CIB4: variants seen among roughly 807,000 people sequenced by gnomAD.
CIB4 encodes calcium and integrin binding family member 4.
CIB4 carries 25 observed loss-of-function variants against 25.8 expected under a neutral mutation model. That is an observed-to-expected ratio of 0.97 (90% CI 0.71 to 1.35). The LOEUF is 1.35. Ranked by LOEUF, CIB4 falls within the 40% of genes most tolerant of loss-of-function variation. The probability of loss-of-function intolerance (pLI) is 0.00; values close to 1 mark genes in which losing one functional copy is unlikely to be tolerated. For synonymous variants in CIB4, 75 were observed against 81.4 expected (o/e 0.92, Z 0.42); for missense variants, 235 against 228.2 (o/e 1.03, Z -0.19).
At chr2:26,624,552 C>T (rs1669263419) in intron 3 of CIB4, among the ~76,000 whole-genome samples, 1 of 152,068 alleles carries the variant, frequency 6.6e-6, no homozygotes, top group African/African-American at 2.4e-5. Flanking sequence ...CTCGAGGCTT[C>T]TTACATTTTT....
intron 3 of CIB4, among the ~76,000 whole-genome samples, chr2:26,604,297 T>C (rs184558552): frequency 4.2e-4 from 64 of 152,032 alleles, no homozygotes; most frequent in Non-Finnish European, 9.0e-4. Context: ...AGAAGATTGC[T>C]TGAGCTCAGG....
intron 3 of CIB4, among the ~76,000 whole-genome samples, chr2:26,616,532 A>T (rs1669095948): frequency 6.6e-6 from 1 of 152,162 alleles, no homozygotes; most frequent in African/African-American, 2.4e-5. Flanking sequence ...TGGGAATCAG[A>T]CAATTCCCAG....
intron 3 of CIB4, among the ~76,000 whole-genome samples, chr2:26,599,279 G>A (rs1449313012): frequency 1.3e-5 from 2 of 152,098 alleles, no homozygotes; most frequent in Non-Finnish European, 2.9e-5. Context: ...TATACGTGAT[G>A]AAACTAAAGT....
At chr2:26,608,563 C>T (rs12997069) in intron 3 of CIB4, among the ~76,000 whole-genome samples, 41,166 of 152,072 alleles carry the variant, frequency 0.27, 7,613 homozygotes, top group East Asian at 0.92. Flanking sequence ...CCCAGGGCCA[C>T]TAAATGGCAG....
At position 26,581,259 on chromosome 2, in the gene CIB4, G is replaced by A. The variant is rs1668330214; in HGVS notation, c.*104C>T. The A allele has an allele frequency of 9.0e-6, 8 of 892,118 alleles. No individual in the cohort carries two copies. Among genetic ancestry groups the A allele is most frequent in the Non-Finnish European group, 9.4e-6 (5 of 529,610 alleles). 55.3% of individuals were successfully genotyped at this position (892,118 alleles called of 1,614,324 possible). ...AACAATATTCTAGAGGTGAGTGTGGGCCCAGTACAAAGTCATACTTCAAAC... is the reference window on the plus strand; with the variant it reads ...AACAATATTCTAGAGGTGAGTGTGGACCCAGTACAAAGTCATACTTCAAAC... On this transcript the variant is annotated 3_prime_UTR_variant, in exon 7 of 7. Coordinates refer to ENST00000288861, the MANE Select transcript of CIB4 (RefSeq NM_001029881.3).
intron 2 of CIB4, among the ~76,000 whole-genome samples, chr2:26,632,999 G>A (rs888592908): frequency 6.6e-6 from 1 of 152,142 alleles, no homozygotes; most frequent in Non-Finnish European, 1.5e-5. Flanking sequence ...ACCACCGGGA[G>A]TGCCTGCTCT....
intron 3 of CIB4, chr2:26,623,605 T>C (rs1358146443): frequency 4.2e-6 from 2 of 470,774 alleles, no homozygotes; most frequent in Admixed American, 2.3e-5. Context: ...ATCCTGACCA[T>C]ACCTCCCTAC....
intron 2 of CIB4, among the ~76,000 whole-genome samples, chr2:26,635,007 T>G (rs963302209): frequency 5.9e-5 from 9 of 152,250 alleles, no homozygotes; most frequent in African/African-American, 2.2e-4. Flanking sequence ...ATGGGCCCTC[T>G]TTGGGTCTGC....
chr2:26,619,812 G>C (rs1289524934), intron 3 of CIB4, among the ~76,000 whole-genome samples: 3 of 150,936 alleles, frequency 2.0e-5, no homozygotes, highest in Non-Finnish European at 4.4e-5. Flanking sequence ...CAGCGGGGAA[G>C]GCAACACAAT....
intron 4 of CIB4, among the ~76,000 whole-genome samples, chr2:26,588,988 T>TTCTTCTTCTTCTTCC (rs1668510806): frequency 1.5e-4 from 6 of 40,062 alleles, no homozygotes; most frequent in African/African-American, 6.2e-4. Flanking sequence ...TTTCTTCTTC[T>TTCTTCTTCTTCTTCC]TCTTCTTCTT....
intron 3 of CIB4, among the ~76,000 whole-genome samples, chr2:26,617,990 A>G (rs1669127825): frequency 6.6e-6 from 1 of 152,156 alleles, no homozygotes; most frequent in East Asian, 1.9e-4. Context: ...CCCTGTTACC[A>G]AGTGTAGGTT....
intron 3 of CIB4, among the ~76,000 whole-genome samples, chr2:26,599,870 C>G (rs1668748786): frequency 6.6e-6 from 1 of 151,588 alleles, no homozygotes; most frequent in South Asian, 2.1e-4. Context: ...GTCAGGAGAT[C>G]AAGACCATTC....
intron 3 of CIB4, among the ~76,000 whole-genome samples, chr2:26,620,272 ACT>A (rs760703058): frequency 2.0e-5 from 3 of 152,206 alleles, no homozygotes; most frequent in Non-Finnish European, 4.4e-5. Flanking sequence ...TCCCCTACAG[ACT>A]CTGCGACTGG....
chr2:26,604,208 T>C (rs1449436075), intron 3 of CIB4, among the ~76,000 whole-genome samples: 1 of 151,884 alleles, frequency 6.6e-6, no homozygotes, highest in African/African-American at 2.4e-5. Context: ...AGCAAGACCC[T>C]GTCTCTACTA....
chr2:26,582,041 G>A (rs971711143), intron 6 of CIB4, among the ~76,000 whole-genome samples: 4 of 152,232 alleles, frequency 2.6e-5, no homozygotes, highest in East Asian at 1.9e-4. Flanking sequence ...GTGGAGGGGC[G>A]ATGGGAGGCA....
In CIB4 at chr2:26,626,280, A is replaced by G. The variant is rs76302506; in HGVS notation, c.186+3130T>C. The stretch of plus-strand genomic sequence containing the variant: ...TCTTTCATGCCTGGCCTGGTGCCCT[A>G]TCCCTAGTTCTCTAGGTGGGGCAAT... On this transcript the variant is annotated intron_variant, in intron 3 of 6. Coordinates refer to ENST00000288861, the MANE Select transcript of CIB4 (RefSeq NM_001029881.3). Among the ~76,000 whole-genome samples the G allele has an allele frequency of 9.4e-4, 143 of 151,920 alleles. 1 individual carries two copies. Among genetic ancestry groups the G allele is most frequent in the African/African-American group, 3.3e-3 (138 of 41,412 alleles).
chr2:26,632,926 G>GT (rs1249392607), intron 2 of CIB4, among the ~76,000 whole-genome samples: 33 of 151,552 alleles, frequency 2.2e-4, no homozygotes, highest in Admixed American at 1.1e-3. Context: ...TAATGTTTTG[G>GT]TTTTTTTTTA....
intron 3 of CIB4, among the ~76,000 whole-genome samples, chr2:26,629,083 C>T (rs1391241678): frequency 1.3e-5 from 2 of 152,156 alleles, no homozygotes; most frequent in East Asian, 3.9e-4. Flanking sequence ...GTGAGCACCT[C>T]CAGATGGGGC....
At position 26,629,448 on chromosome 2, in the gene CIB4, G is replaced by A. The variant is rs1470158228; in HGVS notation, c.148C>T (p.Leu50Phe). The change falls in exon 3 of 7, where the codon CTC (leucine) becomes TTC (phenylalanine). Residue 50 changes from leucine to phenylalanine, a missense_variant. Leu to Phe is a conservative substitution (Grantham distance 22, BLOSUM62 0). Coordinates refer to ENST00000288861, the MANE Select transcript of CIB4 (RefSeq NM_001029881.3). ...AGGGAGCTGACCTGGTCCATGGTGAGCGTTGCCTCCTTGTAGTACTTCCCA... is the reference window on the plus strand; with the variant it reads ...AGGGAGCTGACCTGGTCCATGGTGAACGTTGCCTCCTTGTAGTACTTCCCA... ...PPGKYYKEATLTMDQVSSLPA... is the reference protein window; with the variant it reads ...PPGKYYKEATFTMDQVSSLPA... 6.3e-7 allele frequency: 1 copy of A among 1,582,894 alleles called. No individual in the cohort carries two copies. Among genetic ancestry groups the A allele is most frequent in the Non-Finnish European group, 8.6e-7 (1 of 1,164,216 alleles).
Sources: allele counts gnomAD v4.1 joint callset (sites outside exome capture counted in the v4.1 genomes callset), GRCh38; gene constraint gnomAD v4.1.1; transcripts MANE v1.5; gene names NCBI Gene and HGNC (gene_info 2026-07-23, HGNC 2026-07-21).